Variants in PAX5 observed in about 807,000 individuals in gnomAD.
PAX5 encodes paired box protein Pax-5.
In PAX5, 9 loss-of-function variants were observed where a neutral mutation model predicts 43.7. That is an observed-to-expected ratio of 0.21 (90% confidence interval 0.12 to 0.36). The LOEUF (loss-of-function observed/expected upper bound fraction) is 0.36. PAX5 is among the 10% of genes least tolerant of loss of function. The pLI is 1.00. For synonymous variants in PAX5, 228 were observed against 214.3 expected (o/e 1.06, Z -0.56); for missense variants, 383 against 532.7 (o/e 0.72, Z 2.77).
At chr9:36,880,873 C>T (rs983168483) in intron 8 of PAX5, among the ~76,000 whole-genome samples, 5 of 152,210 alleles carry the variant, frequency 3.3e-5, no homozygotes, top group East Asian at 1.9e-4. Flanking sequence ...CCACTGTGCC[C>T]GGCCCAGTCT....
chr9:36,982,234 G>A (rs1026204600), intron 5 of PAX5, among the ~76,000 whole-genome samples: 1 of 151,968 alleles, frequency 6.6e-6, no homozygotes, highest in African/African-American at 2.4e-5. Context: ...ACTGCACTCC[G>A]GCCTGGGCCA....
At chr9:36,918,350 G>T (rs760992669) in intron 7 of PAX5, among the ~76,000 whole-genome samples, 3 of 152,200 alleles carry the variant, frequency 2.0e-5, no homozygotes, top group Non-Finnish European at 2.9e-5. Flanking sequence ...TATGGAGAAA[G>T]TTTGAGGGGT....
chr9:36,958,059 A>G (rs552880180), intron 6 of PAX5, among the ~76,000 whole-genome samples: 1 of 152,028 alleles, frequency 6.6e-6, no homozygotes, highest in African/African-American at 2.4e-5. Context: ...AGGGTCTGGG[A>G]TTTTTTCTTA....
intron 8 of PAX5, among the ~76,000 whole-genome samples, chr9:36,865,809 T>C (rs1214008556): frequency 1.1e-4 from 17 of 152,248 alleles, no homozygotes; most frequent in Non-Finnish European, 7.3e-5. Flanking sequence ...AAGCCTGCTC[T>C]GGTATGCATC....
At chr9:36,865,774 CT>C (rs1824813521) in intron 8 of PAX5, among the ~76,000 whole-genome samples, 1 of 152,214 alleles carries the variant, frequency 6.6e-6, no homozygotes, top group South Asian at 2.1e-4. Context: ...TGGTAGTCTT[CT>C]TTTGATTAAA....
chr9:37,008,800 C>G (rs920419773), intron 3 of PAX5, among the ~76,000 whole-genome samples: 1 of 152,104 alleles, frequency 6.6e-6, no homozygotes, highest in Non-Finnish European at 1.5e-5. Context: ...TAAGCAAACT[C>G]GAAGCATATT....
At chr9:36,850,421 G>A (rs1326621854) in intron 8 of PAX5, among the ~76,000 whole-genome samples, 1 of 152,232 alleles carries the variant, frequency 6.6e-6, no homozygotes, top group Non-Finnish European at 1.5e-5. Flanking sequence ...CTCATGTGCA[G>A]GAAGGACATT....
chr9:36,975,586 C>A (rs987278720), intron 5 of PAX5, among the ~76,000 whole-genome samples: 3 of 152,090 alleles, frequency 2.0e-5, no homozygotes, highest in Admixed American at 6.6e-5. Flanking sequence ...GGGGTTCCAC[C>A]GTGTTAGCCA....
intron 6 of PAX5, among the ~76,000 whole-genome samples, chr9:36,936,688 T>G (rs1392057707): frequency 6.6e-6 from 1 of 152,090 alleles, no homozygotes; most frequent in African/African-American, 2.4e-5. Context: ...GTTGGAGGCA[T>G]GGAGAAATGA....
At chr9:36,880,955 A>G (rs1189661851) in intron 8 of PAX5, among the ~76,000 whole-genome samples, 1 of 152,230 alleles carries the variant, frequency 6.6e-6, no homozygotes, top group Non-Finnish European at 1.5e-5. Context: ...AGCCCCAGGC[A>G]CTGAAACAAG....
chr9:36,976,772 G>A (rs191029467), intron 5 of PAX5, among the ~76,000 whole-genome samples: 4 of 152,326 alleles, frequency 2.6e-5, no homozygotes, highest in Admixed American at 6.5e-5. Context: ...CGATTGTGCC[G>A]GGTGTTACCC....
At chr9:36,862,888 C>T (rs933576139) in intron 8 of PAX5, among the ~76,000 whole-genome samples, 2 of 152,172 alleles carry the variant, frequency 1.3e-5, no homozygotes, top group African/African-American at 4.8e-5. Flanking sequence ...GTTAAAAAGG[C>T]CCAATAAGAT....
chr9:36,957,739 G>A (rs1055626696), intron 6 of PAX5, among the ~76,000 whole-genome samples: 21 of 152,096 alleles, frequency 1.4e-4, no homozygotes, highest in African/African-American at 4.8e-5. Flanking sequence ...GAACAAAAGC[G>A]CATCCAGCCT....
chr9:36,973,135 A>G (rs10814492), intron 5 of PAX5, among the ~76,000 whole-genome samples: 1,958 of 73,614 alleles, frequency 0.027, 68 homozygotes, highest in African/African-American at 0.055. Flanking sequence ...GAAAGGAAAG[A>G]AAAGGAAAGG....
At chr9:36,921,459 A>C (rs1830163330) in intron 7 of PAX5, among the ~76,000 whole-genome samples, 1 of 152,188 alleles carries the variant, frequency 6.6e-6, no homozygotes, top group African/African-American at 2.4e-5. Flanking sequence ...TCTGTGTGGC[A>C]GCATGGCCAG....
intron 6 of PAX5, among the ~76,000 whole-genome samples, chr9:36,956,353 G>T (rs1751357652): frequency 6.6e-6 from 1 of 152,132 alleles, no homozygotes; most frequent in African/African-American, 2.4e-5. Context: ...CAAAAAGAGT[G>T]GAACAGACAG....
intron 8 of PAX5, among the ~76,000 whole-genome samples, chr9:36,850,776 C>T (rs966856384): frequency 6.6e-6 from 1 of 152,216 alleles, no homozygotes; most frequent in Admixed American, 6.5e-5. Flanking sequence ...GAGGTGGTTC[C>T]TGGCGCTCTC....
At chr9:37,002,531 C>G (rs1405673120) in intron 5 of PAX5, 117 bp downstream of exon 5, 1 of 1,111,270 alleles carries the variant, frequency 9.0e-7, no homozygotes, top group East Asian at 2.6e-5. Flanking sequence ...CCGGGGGACT[C>G]GCTCCTCTGC....
intron 7 of PAX5, among the ~76,000 whole-genome samples, chr9:36,902,789 G>A (rs908376540): frequency 5.9e-5 from 9 of 152,252 alleles, no homozygotes; most frequent in Admixed American, 1.3e-4. Flanking sequence ...TGGCACAGAC[G>A]GCTATTTGTG....
Sources: allele counts gnomAD v4.1 joint callset (sites outside exome capture counted in the v4.1 genomes callset), GRCh38; gene constraint gnomAD v4.1.1; transcripts MANE v1.5; gene names NCBI Gene and HGNC (gene_info 2026-07-23, HGNC 2026-07-21).